CAST: variants seen among roughly 807,000 people sequenced by gnomAD.
CAST encodes the protein calpastatin, also known as MIR583 host.
CAST carries 76 observed loss-of-function variants against 119.6 expected under a neutral mutation model. The observed-to-expected ratio is 0.64, with a 90% CI of 0.53 to 0.77. The LOEUF (loss-of-function observed/expected upper bound fraction) is 0.77. CAST is among the 30% of genes least tolerant of loss of function. CAST has a pLI of 0.00. For missense variants in CAST, 953 were observed against 946.5 expected, an observed-to-expected ratio of 1.01 and a Z score of -0.09; for synonymous variants, 319 against 331.6, an observed-to-expected ratio of 0.96 and a Z score of 0.41.
At chr5:96,266,648 A>G in the CAST span, among the ~76,000 whole-genome samples, 1 of 152,206 alleles carries the variant, frequency 6.6e-6, no homozygotes, top group African/African-American at 2.4e-5. Context: ...AAAAAAAGAG[A>G]AAGATAATCA....
the CAST span, among the ~76,000 whole-genome samples, chr5:96,262,603 C>T: frequency 2.0e-5 from 3 of 152,280 alleles, no homozygotes; most frequent in Non-Finnish European, 4.4e-5. Flanking sequence ...AATCTCGGCT[C>T]ACTGCAAGCT....
chr5:96,069,373 G>GTC, the CAST span, among the ~76,000 whole-genome samples: 2 of 110,598 alleles, frequency 1.8e-5, no homozygotes, highest in East Asian at 2.4e-4. Flanking sequence ...GTGTGTGTGT[G>GTC]TGTGTGTGTC....
chr5:96,058,296 T>A, the CAST span, among the ~76,000 whole-genome samples: 1 of 152,164 alleles, frequency 6.6e-6, no homozygotes, highest in African/African-American at 2.4e-5. Flanking sequence ...GGCAGGGGAA[T>A]AAAGGCTCAA....
At chr5:96,648,717 C>CGTGTGTGTGTCT (rs138871439) in intron 1 of CAST, among the ~76,000 whole-genome samples, 51 of 148,810 alleles carry the variant, frequency 3.4e-4, no homozygotes, top group Non-Finnish European at 4.9e-4. Flanking sequence ...TATATATATG[C>CGTGTGTGTGTCT]GTGTGTGTGT....
the CAST span, among the ~76,000 whole-genome samples, chr5:96,496,396 G>T: frequency 6.6e-6 from 1 of 152,102 alleles, no homozygotes; most frequent in African/African-American, 2.4e-5. Flanking sequence ...TGGCCCCTCG[G>T]CTTCTAATTT....
At chr5:96,765,153 C>T (rs886995738) in intron 25 of CAST, 68 bp from the exon 26 acceptor site, 1 of 879,450 alleles carries the variant, frequency 1.1e-6, no homozygotes, top group Non-Finnish European at 1.9e-6. Context: ...AGATGGAGTT[C>T]CTGGGCTAAT....
the CAST span, chr5:96,392,526 A>T: frequency 8.7e-5 from 15 of 171,732 alleles, no homozygotes; most frequent in African/African-American, 3.1e-4. Flanking sequence ...GAACTCCTTC[A>T]TTAGGCCTAC....
intron 13 of CAST, 117 bp downstream of exon 13, chr5:96,740,900 T>G (rs1267819575): frequency 1.4e-6 from 1 of 725,772 alleles, no homozygotes. Flanking sequence ...CCAAATCAAA[T>G]GGAGTTTCTG....
At chr5:96,271,521 A>G in the CAST span, among the ~76,000 whole-genome samples, 1 of 152,200 alleles carries the variant, frequency 6.6e-6, no homozygotes, top group Non-Finnish European at 1.5e-5. Context: ...TTCTCAATAA[A>G]TGGTGCTGGG....
intron 3 of CAST, among the ~76,000 whole-genome samples, chr5:96,704,418 C>T (rs72772091): frequency 6.6e-6 from 1 of 152,012 alleles, no homozygotes; most frequent in African/African-American, 2.4e-5. Context: ...AGAATGAAAC[C>T]AGAAAGAAAA....
chr5:96,145,418 G>A, the CAST span, among the ~76,000 whole-genome samples: 2,193 of 152,098 alleles, frequency 0.014, 35 homozygotes, highest in South Asian at 0.077. Context: ...TTTGTATTTC[G>A]CCTTAACAGT....
chr5:96,102,631 C>T, the CAST span, among the ~76,000 whole-genome samples: 22 of 152,204 alleles, frequency 1.4e-4, no homozygotes, highest in African/African-American at 4.3e-4. Context: ...TCTCTGCCTC[C>T]GGCCTCTATC....
the CAST span, among the ~76,000 whole-genome samples, chr5:96,482,367 A>T: frequency 1.3e-5 from 2 of 151,572 alleles, no homozygotes; most frequent in East Asian, 3.9e-4. Flanking sequence ...CCACCTAATT[A>T]TGTGAAGCAA....
At chr5:96,473,665 C>T in the CAST span, among the ~76,000 whole-genome samples, 1 of 152,204 alleles carries the variant, frequency 6.6e-6, no homozygotes, top group Non-Finnish European at 1.5e-5. Context: ...ATGGGCCACA[C>T]CTGGTAGGCT....
the CAST span, among the ~76,000 whole-genome samples, chr5:96,336,764 G>C: frequency 2.0e-5 from 3 of 152,160 alleles, no homozygotes; most frequent in Non-Finnish European, 4.4e-5. Flanking sequence ...TTGGGGTAAA[G>C]CATGTGATGG....
At chr5:96,126,395 A>G in the CAST span, among the ~76,000 whole-genome samples, 4 of 152,084 alleles carry the variant, frequency 2.6e-5, no homozygotes, top group Non-Finnish European at 5.9e-5. Flanking sequence ...AAAAATTTCT[A>G]TCTTGCTTTA....
Position 96,762,342 on chromosome 5 carries a change from C to G in CAST, c.1902C>G (p.Thr634=), listed in dbSNP as rs747503577. ...EVVSQTPAST[T]QAGAPPRDTS... ...TTTCCCAAACCCCAGCTTCAACGAC[C>G]CAAGCTGGAGCCCCACCCCGTGATA... Residue 634 remains threonine, a synonymous_variant, in exon 25 of 32, where the codon ACC becomes ACG. Transcript: ENST00000675179. 2.0e-5 allele frequency: 32 copies of G among 1,604,960 alleles called. 1 individual carries two copies. The East Asian group carries it at 7.2e-4, about 36-fold the overall frequency.
intron 20 of CAST, among the ~76,000 whole-genome samples, chr5:96,753,548 G>A (rs868363583): frequency 2.0e-5 from 3 of 152,324 alleles, no homozygotes; most frequent in Middle Eastern, 3.4e-3. Context: ...GTCACAGGCA[G>A]AGTCATCAGA....
At chr5:96,109,433 T>A in the CAST span, among the ~76,000 whole-genome samples, 1 of 152,380 alleles carries the variant, frequency 6.6e-6, no homozygotes, top group Non-Finnish European at 1.5e-5. Flanking sequence ...AATTTTTTCT[T>A]TGTAATCTGG....
Sources: allele counts gnomAD v4.1 joint callset (sites outside exome capture counted in the v4.1 genomes callset), GRCh38; gene constraint gnomAD v4.1.1; transcripts MANE v1.5; gene names NCBI Gene and HGNC (gene_info 2026-07-23, HGNC 2026-07-21).